The following SGCZ variants were observed in gnomAD, a reference collection of about 807,000 sequenced individuals.
SGCZ encodes the protein zeta-sarcoglycan.
In SGCZ, 40 loss-of-function variants were observed where a neutral mutation model predicts 41.3. The observed-to-expected ratio is 0.97, with a 90% CI of 0.75 to 1.26. The LOEUF is 1.26. SGCZ is among the 50% of genes most tolerant of loss of function. The probability of loss-of-function intolerance (pLI) is 0.00; values close to 1 mark genes in which losing one functional copy is unlikely to be tolerated. For missense variants in SGCZ, 552 were observed against 369.8 expected (o/e 1.49, Z -4.04); for synonymous variants, 206 against 137.5 (o/e 1.50, Z -3.49).
chr8:14,593,013 T>G (rs140975977), intron 1 of SGCZ, among the ~76,000 whole-genome samples: 318 of 152,270 alleles, frequency 2.1e-3, no homozygotes, highest in Non-Finnish European at 4.0e-3. Flanking sequence ...GCCTTTACAT[T>G]GGTACTGAAT....
chr8:14,583,336 G>A lies in SGCZ; in HGVS notation c.40-28410C>T, dbSNP rs373643175. 4.9e-4 allele frequency among the ~76,000 whole-genome samples: 74 copies of A among 151,972 alleles called. No homozygotes were observed. The East Asian group carries it at 0.012, about 24-fold the overall frequency. ...TGAGAAGTGTCTGTTCATGTCCTTCGCCCACTTTTTGATGGGGTTATATTT... is the reference window on the plus strand; with the variant it reads ...TGAGAAGTGTCTGTTCATGTCCTTCACCCACTTTTTGATGGGGTTATATTT... On this transcript the variant is annotated intron_variant, in intron 1 of 7. Coordinates refer to ENST00000382080, the MANE Select transcript of SGCZ (RefSeq NM_139167.4).
chr8:14,506,560 T>A (rs969120797), intron 2 of SGCZ, among the ~76,000 whole-genome samples: 1 of 152,142 alleles, frequency 6.6e-6, no homozygotes, highest in Non-Finnish European at 1.5e-5. Context: ...CCTGGACACC[T>A]AAGTCTCCCT....
intron 7 of SGCZ, 131 bp downstream of exon 7, chr8:14,102,245 C>A: frequency 1.9e-6 from 2 of 1,058,162 alleles, no homozygotes; most frequent in East Asian, 6.0e-5. Context: ...ATATTACTTT[C>A]CTAAGTTACA....
chr8:15,063,107 C>A, intron 1 of SGCZ, among the ~76,000 whole-genome samples: 1 of 152,144 alleles, frequency 6.6e-6, no homozygotes, highest in East Asian at 1.9e-4. Context: ...CAAAAGTAAA[C>A]TTTTTTCTGG....
intron 5 of SGCZ, among the ~76,000 whole-genome samples, chr8:14,112,365 G>A (rs559484545): frequency 6.6e-6 from 1 of 150,502 alleles, no homozygotes; most frequent in South Asian, 2.2e-4. Context: ...GGAATCCAGA[G>A]TCCATGGGGC....
At chr8:15,129,935 T>C (rs58862799) in intron 1 of SGCZ, among the ~76,000 whole-genome samples, 22,057 of 152,058 alleles carry the variant, frequency 0.15, 2,055 homozygotes, top group Non-Finnish European at 0.21. Flanking sequence ...CATATGCATA[T>C]ATACATATAC....
chr8:14,411,847 C>G lies in SGCZ; in HGVS notation c.235-87643G>C, dbSNP rs11203602. 9.0e-3 allele frequency among the ~76,000 whole-genome samples: 1,367 copies of G among 152,198 alleles called. 46 individuals are homozygous for G. In the East Asian group the frequency reaches 0.1, roughly 12 times the overall value. On this transcript the variant is annotated intron_variant, in intron 2 of 7. Coordinates refer to ENST00000382080, the MANE Select transcript of SGCZ (RefSeq NM_139167.4). ...TCTTTTTCCAGTACAGTAAAAAACA[C>G]TTCCAAACATTTCTATTTGATGGAA...
At chr8:15,003,272 G>C (rs905230428) in intron 1 of SGCZ, among the ~76,000 whole-genome samples, 1 of 152,018 alleles carries the variant, frequency 6.6e-6, no homozygotes, top group African/African-American at 2.4e-5. Context: ...AAGCAGAGAG[G>C]GTTGCTGAAA....
chr8:14,642,253 G>A (rs1241714784), intron 1 of SGCZ, among the ~76,000 whole-genome samples: 3 of 151,460 alleles, frequency 2.0e-5, no homozygotes, highest in Non-Finnish European at 4.4e-5. Context: ...TACAAAGTAG[G>A]TGAAATAATT....
At chr8:14,621,864 A>G (rs1008456725) in intron 1 of SGCZ, among the ~76,000 whole-genome samples, 17 of 152,106 alleles carry the variant, frequency 1.1e-4, no homozygotes, top group African/African-American at 3.1e-4. Context: ...ACTTCTGTCT[A>G]TAGACTAAGT....
chr8:14,754,440 G>T (rs949456297), intron 1 of SGCZ, among the ~76,000 whole-genome samples: 22 of 152,042 alleles, frequency 1.4e-4, no homozygotes, highest in African/African-American at 5.1e-4. Context: ...ATATGTATAT[G>T]TGTTATATAA....
At chr8:14,405,514 A>G (rs1025530523) in intron 2 of SGCZ, among the ~76,000 whole-genome samples, 3 of 152,206 alleles carry the variant, frequency 2.0e-5, no homozygotes, top group Non-Finnish European at 4.4e-5. Flanking sequence ...AGGATATCAA[A>G]TATGGTAGGC....
intron 1 of SGCZ, among the ~76,000 whole-genome samples, chr8:15,117,258 C>T (rs968304076): frequency 9.9e-5 from 15 of 152,042 alleles, no homozygotes; most frequent in Middle Eastern, 3.4e-3. Context: ...ACTCAGGGAG[C>T]TGAGGCAGGA....
At chr8:14,528,227 C>A (rs1434473439) in intron 2 of SGCZ, among the ~76,000 whole-genome samples, 2 of 152,070 alleles carry the variant, frequency 1.3e-5, no homozygotes, top group African/African-American at 2.4e-5. Flanking sequence ...AATGCAGAAT[C>A]TTCTCAAGTT....
At chr8:15,046,878 G>A (rs61156432) in intron 1 of SGCZ, among the ~76,000 whole-genome samples, 6,236 of 151,914 alleles carry the variant, frequency 0.041, 149 homozygotes, top group Non-Finnish European at 0.056. Flanking sequence ...GAGAAAATAT[G>A]TCTCCTACTA....
At chr8:14,990,990 A>G (rs1307032730) in intron 1 of SGCZ, among the ~76,000 whole-genome samples, 1 of 152,196 alleles carries the variant, frequency 6.6e-6, no homozygotes, top group East Asian at 1.9e-4. Context: ...CTTTGTCCTA[A>G]CATTGCTTAC....
chr8:14,544,702 C>T (rs12547156), intron 2 of SGCZ, among the ~76,000 whole-genome samples: 19,597 of 151,974 alleles, frequency 0.13, 1,580 homozygotes, highest in South Asian at 0.19. Context: ...AATTTGTGCT[C>T]GACCGGTTCT....
At chr8:14,348,141 T>C (rs1326121021) in intron 2 of SGCZ, among the ~76,000 whole-genome samples, 1 of 152,054 alleles carries the variant, frequency 6.6e-6, no homozygotes, top group African/African-American at 2.4e-5. Context: ...GTAACCAATA[T>C]GGTATCAATT....
chr8:14,674,882 A>T, intron 1 of SGCZ, among the ~76,000 whole-genome samples: 1 of 145,806 alleles, frequency 6.9e-6, no homozygotes, highest in Middle Eastern at 3.6e-3. Flanking sequence ...AGCAGATGCC[A>T]TCATGCTTCC....
Sources: allele counts gnomAD v4.1 joint callset (sites outside exome capture counted in the v4.1 genomes callset), GRCh38; gene constraint gnomAD v4.1.1; transcripts MANE v1.5; gene names NCBI Gene and HGNC (gene_info 2026-07-23, HGNC 2026-07-21).